EFCC1: variants seen among roughly 807,000 people sequenced by gnomAD.
EFCC1 encodes the protein EF-hand and coiled-coil domain containing 1, also known as EF-hand and coiled-coil domain-containing protein 1.
Under a neutral mutation model 52.1 loss-of-function variants are expected in EFCC1, and 50 were observed. That is an observed-to-expected ratio of 0.96 (90% CI 0.76 to 1.21). The LOEUF (loss-of-function observed/expected upper bound fraction) is 1.21, where lower values mean the gene tolerates loss of function less well. Among genes scored for constraint, EFCC1 ranks in the 50% most tolerant of loss-of-function variants. The pLI, the probability that EFCC1 is intolerant of heterozygous loss-of-function variation, is 0.00. For missense variants in EFCC1, 837 were observed against 867.3 expected, an observed-to-expected ratio of 0.97 and a Z score of 0.44; for synonymous variants, 399 against 396.5, an observed-to-expected ratio of 1.01 and a Z score of -0.08.
At position 129,032,908 on chromosome 3, in the gene EFCC1, A is replaced by G; in HGVS notation, c.1228A>G (p.Lys410Glu). The change falls in exon 4 of 8, where the codon AAG becomes GAG. Residue 410 changes from lysine to glutamate, a missense_variant. Lys to Glu is a moderately conservative substitution (Grantham distance 56). Coordinates refer to ENST00000683648, the MANE Select transcript of EFCC1 (RefSeq NM_001377500.1). Reference protein sequence around the residue: ...VEEERWQEEKKTPAAEAKTLL... With the variant: ...VEEERWQEEKETPAAEAKTLL... ...GGAGGAGAGGTGGCAGGAGGAGAAG[A>G]AGACGCCGGCAGCCGAGGCCAAGAC... 1.9e-6 allele frequency: 3 copies of G among 1,551,184 alleles called. No individual in the cohort carries two copies. The highest frequency in any genetic ancestry group is 2.6e-6 in the Non-Finnish European group (3 of 1,146,870).
intron 4 of EFCC1, 88 bp from the exon 5 acceptor site, chr3:129,034,076 C>A: frequency 6.4e-7 from 1 of 1,561,184 alleles, no homozygotes; most frequent in Non-Finnish European, 8.7e-7. Flanking sequence ...AGGAGGCCAA[C>A]TCCACACCAC....
At chr3:129,006,891 T>C (rs775772515) in intron 2 of EFCC1, among the ~76,000 whole-genome samples, 3 of 151,722 alleles carry the variant, frequency 2.0e-5, no homozygotes, top group Non-Finnish European at 4.4e-5. Context: ...GCTCTCACTC[T>C]GAAAAGAAGG....
intron 1 of EFCC1, chr3:129,002,548 C>A: frequency 1.1e-6 from 1 of 888,680 alleles, no homozygotes; most frequent in Non-Finnish European, 1.6e-6. Context: ...TTCCTGAAAA[C>A]CCCAATCACA....
rs542069777 is a variant in EFCC1, at chr3:129,010,171, C to T, written c.980+6094C>T. 3.9e-5 allele frequency among the ~76,000 whole-genome samples: 6 copies of T among 152,366 alleles called. No homozygotes were observed. Among genetic ancestry groups the T allele is most frequent in the African/African-American group, 1.2e-4 (5 of 41,594 alleles). On this transcript the variant is annotated intron_variant, in intron 2 of 7. Transcript: ENST00000683648. The surrounding 1 kb of genome is among the most constrained non-coding windows in gnomAD (Gnocchi z 4.3). ...CCCTAAGTGGTCCAGTGGCCTTGTC[C>T]TGCCTTGAGGGGTCCCCCTTCAGTC...
rs1012761373 is a variant in EFCC1 at position 129,001,317 on chromosome 3, G to A, written c.-312G>A. On this transcript the variant is annotated 5_prime_UTR_variant, in exon 1 of 8. Transcript: ENST00000683648. ...GAGGAAAAGCGCAGACGCCAGGAACGCCCCGTGAGTGAGGAGAGGAGAGCG... is the reference window on the plus strand; with the variant it reads ...GAGGAAAAGCGCAGACGCCAGGAACACCCCGTGAGTGAGGAGAGGAGAGCG... Among the ~76,000 whole-genome samples, 9 of 152,206 alleles carry A rather than the reference G, an allele frequency of 5.9e-5. No individual in the cohort carries two copies. Among genetic ancestry groups the A allele is most frequent in the Non-Finnish European group, 1.2e-4 (8 of 68,028 alleles).
chr3:129,006,705 C>G (rs1945089626), intron 2 of EFCC1, among the ~76,000 whole-genome samples: 1 of 152,128 alleles, frequency 6.6e-6, no homozygotes, highest in Admixed American at 6.5e-5. Context: ...AATTGAGGAC[C>G]AGAGAATGAG....
chr3:129,016,125 G>A (rs543370963), intron 2 of EFCC1, among the ~76,000 whole-genome samples: 29 of 152,260 alleles, frequency 1.9e-4, no homozygotes, highest in Admixed American at 6.5e-4. Context: ...CTTTTGATGC[G>A]TCCCCCTGGC....
intron 5 of EFCC1, among the ~76,000 whole-genome samples, chr3:129,035,956 G>C (rs559631074): frequency 6.6e-6 from 1 of 152,342 alleles, no homozygotes; most frequent in African/African-American, 2.4e-5. Context: ...CGCCACGGCT[G>C]TCCCTGTTTC....
At chr3:129,020,697 G>C (rs1434255343) in intron 2 of EFCC1, among the ~76,000 whole-genome samples, 1 of 152,188 alleles carries the variant, frequency 6.6e-6, no homozygotes, top group African/African-American at 2.4e-5. Flanking sequence ...GACTTGGTAA[G>C]GCACGCTTAT....
intron 2 of EFCC1, among the ~76,000 whole-genome samples, chr3:129,018,662 T>C (rs1276428132): frequency 6.6e-6 from 1 of 152,190 alleles, no homozygotes; most frequent in Non-Finnish European, 1.5e-5. Context: ...CCTCATGTAT[T>C]CTGAGCAGGG....
Position 129,032,962 on chromosome 3 carries a change from G to T in EFCC1, c.1282G>T (p.Gly428Cys). The change falls in exon 4 of 8, where the codon GGC (glycine) becomes TGC (cysteine). Residue 428 changes from glycine to cysteine, a missense_variant. Coordinates refer to ENST00000683648, the MANE Select transcript of EFCC1 (RefSeq NM_001377500.1). The stretch of plus-strand genomic sequence containing the variant: ...GCTGGCCCGGCTCTCCAGCTGCAGA[G>T]GCAGGTGTGTGGCCCGTCCAGCGTC... ...TLLARLSSCRGRCDDQTAEKL... is the reference protein window; with the variant it reads ...TLLARLSSCRCRCDDQTAEKL... The T allele has an allele frequency of 1.3e-6, 2 of 1,541,190 alleles. No individual in the cohort carries two copies. Among genetic ancestry groups the T allele is most frequent in the South Asian group, 2.4e-5 (2 of 82,748 alleles).
At chr3:129,029,561 G>C in intron 2 of EFCC1, among the ~76,000 whole-genome samples, 1 of 147,134 alleles carries the variant, frequency 6.8e-6, no homozygotes, top group East Asian at 2.0e-4. Context: ...AACACAGTGA[G>C]ATTCTGTTGT....
chr3:129,003,529 G>A (rs889680935), intron 1 of EFCC1, among the ~76,000 whole-genome samples: 2 of 151,850 alleles, frequency 1.3e-5, no homozygotes, highest in Non-Finnish European at 2.9e-5. Context: ...TACAGGCGTC[G>A]TGTCTCAGTT....
intron 1 of EFCC1, chr3:129,003,200 G>A (rs568532153): frequency 1.0e-6 from 1 of 985,118 alleles, no homozygotes; most frequent in African/African-American, 1.7e-5. Flanking sequence ...GGTGGAGGCG[G>A]GAAACTACTC....
At chr3:129,033,014 G>T (rs992819371) in intron 4 of EFCC1, 48 bp downstream of exon 4, 2 of 1,451,468 alleles carry the variant, frequency 1.4e-6, no homozygotes, top group African/African-American at 1.4e-5. Flanking sequence ...AGGCTCCAGA[G>T]GTGTCTGGGG....
In EFCC1 at chr3:129,020,958, G is replaced by A. The variant is rs933948634; in HGVS notation, c.981-9745G>A. Among the ~76,000 whole-genome samples the A allele has an allele frequency of 3.9e-5, 6 of 152,358 alleles. No homozygotes were observed. In the South Asian group the frequency reaches 8.3e-4, roughly 21 times the overall value. ...CAGGGTGAGGCTGCCGTGGCCAGTG[G>A]GATGTAAGGCCTCATGAGAGCTGGG... On this transcript the variant is annotated intron_variant, in intron 2 of 7. Coordinates refer to ENST00000683648, the MANE Select transcript of EFCC1 (RefSeq NM_001377500.1).
Position 129,003,823 on chromosome 3 carries a change from C to T in EFCC1, c.726C>T (p.Thr242=). Reference sequence around the variant, plus strand: ...GACTCTGGAAGAGCCAGGCGAGCACCCACGAGATGGGGCACGGCGGGCCGG... The same window carrying T: ...GACTCTGGAAGAGCCAGGCGAGCACTCACGAGATGGGGCACGGCGGGCCGG... ...QVGLWKSQAS[T]HEMGHGGPEA... is the part of the protein sequence containing the mutation. The change falls in exon 2 of 8, where the codon ACC becomes ACT. Residue 242 remains threonine, a synonymous_variant. Coordinates refer to ENST00000683648, the MANE Select transcript of EFCC1 (RefSeq NM_001377500.1). 1 of 1,465,946 alleles carries T rather than the reference C, an allele frequency of 6.8e-7. No individual in the cohort carries two copies. The highest frequency in any genetic ancestry group is 1.5e-5 in the African/African-American group (1 of 67,912). The allele number at this position is 1,465,946 out of a possible 1,614,324, so 90.8% of individuals were successfully genotyped here. A position where few individuals can be genotyped will look rare whatever the true frequency, so the allele number is the denominator to read the frequency against.
intron 1 of EFCC1, 22 bp from the exon 2 acceptor site, chr3:129,003,772 C>T (rs1295194136): frequency 7.1e-7 from 1 of 1,403,362 alleles, no homozygotes; most frequent in Admixed American, 3.1e-5. Context: ...TACCCCCTGC[C>T]CCTGCTGCCC....
At chr3:129,026,117 A>C (rs1031834243) in intron 2 of EFCC1, among the ~76,000 whole-genome samples, 13 of 152,228 alleles carry the variant, frequency 8.5e-5, no homozygotes, top group African/African-American at 3.1e-4. Flanking sequence ...AAGATGTTTG[A>C]AATATTGAGA....
Sources: gnomAD v4.1 joint callset for allele counts (sites outside exome capture counted in the v4.1 genomes callset) on GRCh38, gnomAD v4.1.1 for gene constraint, Gnocchi (gnomAD v3.1) non-coding constraint, MANE v1.5 for transcripts, NCBI Gene and HGNC (gene_info 2026-07-23, HGNC 2026-07-21) for gene names.